The following MARCO variants were observed in gnomAD, a reference collection of about 807,000 sequenced individuals.
MARCO encodes the protein macrophage receptor with collagenous structure, also known as macrophage receptor MARCO.
Under a neutral mutation model 70.0 loss-of-function variants are expected in MARCO, and 72 were observed. That is an observed-to-expected ratio of 1.03 (90% CI 0.85 to 1.25). The LOEUF (loss-of-function observed/expected upper bound fraction) is 1.25. Ranked by LOEUF, MARCO falls within the 50% of genes most tolerant of loss-of-function variation. The pLI is 0.00. For missense variants in MARCO, 696 were observed against 659.3 expected (o/e 1.06, Z -0.61); for synonymous variants, 273 against 243.1 (o/e 1.12, Z -1.14).
intron 6 of MARCO, 106 bp downstream of exon 6, chr2:118,974,671 G>T: frequency 9.2e-7 from 1 of 1,084,562 alleles, no homozygotes; most frequent in Non-Finnish European, 1.3e-6. Context: ...CCTCTGAGGG[G>T]TCTGTAGGTG....
At chr2:118,986,647 A>AAAAG (rs1242111588) in intron 12 of MARCO, among the ~76,000 whole-genome samples, 1 of 50,946 alleles carries the variant, frequency 2.0e-5, no homozygotes, top group Non-Finnish European at 3.5e-5. Flanking sequence ...GAAAGAAAGA[A>AAAAG]AGAAAGAAGG....
chr2:118,992,977 G>C, intron 15 of MARCO, 147 bp from the exon 16 acceptor site: 1 of 747,890 alleles, frequency 1.3e-6, no homozygotes, highest in Non-Finnish European at 2.2e-6. Flanking sequence ...GCACTGTAAA[G>C]TGGGATCTTC....
At chr2:118,955,840 A>G (rs1475195156) in intron 1 of MARCO, among the ~76,000 whole-genome samples, 2 of 152,240 alleles carry the variant, frequency 1.3e-5, no homozygotes, top group Non-Finnish European at 2.9e-5. Context: ...AGAATTTTGT[A>G]TCCAGCAAAA....
rs1050903390 is a variant in MARCO, at chr2:118,970,790, C to T, written c.424+452C>T. On this transcript the variant is annotated intron_variant, in intron 3 of 16. Coordinates refer to ENST00000327097, the MANE Select transcript of MARCO (RefSeq NM_006770.4). ...CGGTGCTCTCAGGGCCTTGCAGCTGCACCCTCTCCTCTCTCAGCCTGCCCC... is the reference window on the plus strand; with the variant it reads ...CGGTGCTCTCAGGGCCTTGCAGCTGTACCCTCTCCTCTCTCAGCCTGCCCC... Among the ~76,000 whole-genome samples the T allele has an allele frequency of 2.6e-5, 4 of 152,216 alleles. No individual in the cohort carries two copies. The South Asian group carries it at 8.3e-4, about 32-fold the overall frequency.
At chr2:118,957,563 T>A (rs1487122935) in intron 1 of MARCO, among the ~76,000 whole-genome samples, 1 of 152,006 alleles carries the variant, frequency 6.6e-6, no homozygotes. Flanking sequence ...ACAGCAGAAT[T>A]CTATCAGACA....
At chr2:118,951,265 T>C (rs1177691371) in intron 1 of MARCO, among the ~76,000 whole-genome samples, 1 of 152,250 alleles carries the variant, frequency 6.6e-6, no homozygotes, top group Non-Finnish European at 1.5e-5. Context: ...GAGTTCCTCC[T>C]AGGTCTGGTG....
At chr2:118,959,356 C>G (rs752516178) in intron 1 of MARCO, among the ~76,000 whole-genome samples, 1 of 152,012 alleles carries the variant, frequency 6.6e-6, no homozygotes, top group Non-Finnish European at 1.5e-5. Flanking sequence ...AGAAGATGTA[C>G]AAATGGCCAA....
intron 1 of MARCO, among the ~76,000 whole-genome samples, chr2:118,962,725 A>G (rs1403804329): frequency 6.6e-6 from 1 of 152,092 alleles, no homozygotes; most frequent in East Asian, 1.9e-4. Flanking sequence ...ATGCTGGTAA[A>G]ACTATCTGGG....
intron 12 of MARCO, among the ~76,000 whole-genome samples, chr2:118,988,678 A>G (rs909171998): frequency 6.6e-6 from 1 of 152,114 alleles, no homozygotes; most frequent in Non-Finnish European, 1.5e-5. Flanking sequence ...CGCCCAACCC[A>G]TCTTGGCGTA....
intron 14 of MARCO, 25 bp from the exon 15 acceptor site, chr2:118,992,407 C>T (rs770005247): frequency 6.2e-6 from 10 of 1,611,562 alleles, no homozygotes; most frequent in South Asian, 1.1e-5. Flanking sequence ...TCTTTCAAAC[C>T]GTGTGGGTTT....
At chr2:118,945,673 A>G (rs879570111) in intron 1 of MARCO, among the ~76,000 whole-genome samples, 6 of 152,094 alleles carry the variant, frequency 3.9e-5, no homozygotes, top group Non-Finnish European at 8.8e-5. Flanking sequence ...TTGGCCTCCC[A>G]AAGTGCTGGA....
chr2:118,986,658 AAGGAAGGAAGGAAG>A (rs1558671662), intron 12 of MARCO, among the ~76,000 whole-genome samples: 2,301 of 59,494 alleles, frequency 0.039, 146 homozygotes, highest in East Asian at 0.11. Context: ...AGAAAGAAGG[AAGGAAGGAAGGAAG>A]GAAAGAAAGA....
intron 12 of MARCO, among the ~76,000 whole-genome samples, chr2:118,986,665 G>A (rs1170096440): frequency 2.1e-4 from 9 of 42,802 alleles, no homozygotes; most frequent in African/African-American, 1.2e-3. Flanking sequence ...AGGAAGGAAG[G>A]AAGGAAGGAA....
rs1363512097 is a variant in MARCO at position 118,977,830 on chromosome 2, AC to A, written c.665del (p.Pro222GlnfsTer42). 1 of 1,610,100 alleles carries A rather than the reference AC, an allele frequency of 6.2e-7. No homozygotes were observed. The highest frequency in any genetic ancestry group is 2.2e-5 in the East Asian group (1 of 44,780). On this transcript the variant is annotated frameshift_variant, in exon 8 of 17. Transcript: ENST00000327097. LOFTEE classifies it high-confidence loss of function. ...GAPGKQGATGTPGPQGEKGSK... is the reference protein window; with the variant it reads ...GAPGKQGATGXPGPQGEKGSK... ...CTCACCAGCCATTCTCTTTGCAGGC[AC>A]CCCAGGACCCCAAGGAGAGAAGGGC...
intron 12 of MARCO, 25 bp from the exon 13 acceptor site, chr2:118,990,564 C>G (rs747480316): frequency 1.3e-6 from 2 of 1,555,564 alleles, no homozygotes; most frequent in African/African-American, 1.4e-5. Context: ...TCTCCTCCCC[C>G]CCCCCTTTTT....
chr2:118,959,175 G>A (rs1679894041), intron 1 of MARCO, among the ~76,000 whole-genome samples: 1 of 152,110 alleles, frequency 6.6e-6, no homozygotes, highest in Non-Finnish European at 1.5e-5. Context: ...CACGGCAAAA[G>A]GAACAGTCAG....
chr2:118,972,943 GCT>G (rs1023734281), intron 4 of MARCO, among the ~76,000 whole-genome samples: 5 of 151,218 alleles, frequency 3.3e-5, no homozygotes, highest in African/African-American at 1.2e-4. Flanking sequence ...GGCTTCTATG[GCT>G]CTCTCTCTCT....
chr2:118,981,758 C>A, intron 10 of MARCO, 102 bp downstream of exon 10: 1 of 1,173,136 alleles, frequency 8.5e-7, no homozygotes, highest in South Asian at 1.3e-5. Context: ...TTGTAGTATT[C>A]ACCCAGAACA....
At chr2:118,960,818 C>T (rs1022537294) in intron 1 of MARCO, among the ~76,000 whole-genome samples, 1 of 152,002 alleles carries the variant, frequency 6.6e-6, no homozygotes, top group Non-Finnish European at 1.5e-5. Flanking sequence ...TGGTGGTTTG[C>T]TGCACCCGTC....
Sources: allele counts gnomAD v4.1 joint callset (sites outside exome capture counted in the v4.1 genomes callset), GRCh38; gene constraint gnomAD v4.1.1; transcripts MANE v1.5; gene names NCBI Gene and HGNC (gene_info 2026-07-23, HGNC 2026-07-21).